The following TEX11 variants were observed in gnomAD, a reference collection of about 807,000 sequenced individuals.
TEX11 encodes testis-expressed protein 11.
In TEX11, 7 loss-of-function variants were observed where a neutral mutation model predicts 84.4. The ratio of observed to expected loss-of-function variants is 0.08; its 90% CI spans 0.05 to 0.16. TEX11 has a LOEUF of 0.16. Among genes scored for constraint, TEX11 ranks in the 10% least tolerant of loss-of-function variants. TEX11 has a pLI of 1.00. For missense variants in TEX11, 551 were observed against 660.5 expected, an observed-to-expected ratio of 0.83 and a Z score of 1.82; for synonymous variants, 264 against 222.8, an observed-to-expected ratio of 1.18 and a Z score of -1.64.
intron 19 of TEX11, among the ~76,000 whole-genome samples, 197 bp from the exon 20 acceptor site, chrX:70,624,203 T>C (rs1449691624): frequency 8.9e-6 from 1 of 112,206 alleles, no homozygotes; most frequent in Non-Finnish European, 1.9e-5. Flanking sequence ...ACCAATTTTA[T>C]AATTTTGAAA....
intron 2 of TEX11, among the ~76,000 whole-genome samples, chrX:70,903,979 C>CTT (rs34397286): frequency 3.7e-4 from 11 of 29,946 alleles, no homozygotes; most frequent in Admixed American, 9.9e-4. Flanking sequence ...CCACATCCAG[C>CTT]TTTTTTTTTT....
rs376297965 is a variant in TEX11, at chrX:70,547,720, T to C, written c.2520+4406A>G. Among the ~76,000 whole-genome samples the C allele has an allele frequency of 1.9e-4, 21 of 111,874 alleles. No individual in the cohort carries two copies. The East Asian group carries it at 3.4e-3, about 18-fold the overall frequency. Reference sequence around the variant, plus strand: ...AATGCAAATCAAAACCACAATAAGATACCATCTCACACCAGTTAGAATGGC... The same window carrying C: ...AATGCAAATCAAAACCACAATAAGACACCATCTCACACCAGTTAGAATGGC... On this transcript the variant is annotated intron_variant, in intron 28 of 29. Transcript: ENST00000374333.
intron 7 of TEX11, among the ~76,000 whole-genome samples, chrX:70,844,694 T>A (rs1206178518): frequency 2.7e-5 from 3 of 111,237 alleles, no homozygotes; most frequent in African/African-American, 9.8e-5. Flanking sequence ...CCAAGGCAGG[T>A]GGATAACTTG....
chrX:70,818,750 A>G (rs935480535), intron 8 of TEX11, among the ~76,000 whole-genome samples: 2 of 111,007 alleles, frequency 1.8e-5, no homozygotes, highest in African/African-American at 6.6e-5. Context: ...ATCCAGAACC[A>G]GCACCACCAC....
rs761291847 is a variant in TEX11, at chrX:70,561,844, T to G, written c.2141-7044A>C. Among the ~76,000 whole-genome samples, 15 of 112,513 alleles carry G rather than the reference T, an allele frequency of 1.3e-4. No individual in the cohort carries two copies. The East Asian group carries it at 4.2e-3, about 31-fold the overall frequency. ...TTGAAAATGTGAATTTGTTCCAACA[T>G]GATTGATATATTAGGTAACAATTAA... On this transcript the variant is annotated intron_variant, in intron 25 of 29. Transcript: ENST00000374333.
At chrX:70,723,266 A>C (rs980112569) in intron 12 of TEX11, among the ~76,000 whole-genome samples, 3 of 111,846 alleles carry the variant, frequency 2.7e-5, no homozygotes, top group Non-Finnish European at 5.6e-5. Context: ...TTTATGAACA[A>C]AAATATTAAA....
At chrX:70,865,927 A>G (rs1249469641) in intron 4 of TEX11, among the ~76,000 whole-genome samples, 1 of 112,085 alleles carries the variant, frequency 8.9e-6, no homozygotes, top group African/African-American at 3.2e-5. Flanking sequence ...AAATGCCCAC[A>G]TCGGAAAGCT....
intron 24 of TEX11, 72 bp from the exon 25 acceptor site, chrX:70,591,895 A>C: frequency 9.1e-4 from 607 of 670,610 alleles, no homozygotes; most frequent in Non-Finnish European, 1.2e-3. Context: ...ATATAATCTC[A>C]TATCATTTTC....
intron 13 of TEX11, among the ~76,000 whole-genome samples, chrX:70,715,009 A>G (rs777992329): frequency 7.5e-4 from 83 of 111,262 alleles, no homozygotes; most frequent in African/African-American, 2.6e-3. Context: ...ATCTCTCAGC[A>G]TTTGCTTATC....
intron 2 of TEX11, among the ~76,000 whole-genome samples, chrX:70,898,373 T>C (rs2091784606): frequency 9.0e-6 from 1 of 111,662 alleles, no homozygotes; most frequent in Admixed American, 9.6e-5. Context: ...GAGGTGGGGC[T>C]GAAGGATGAG....
chrX:70,864,772 A>G (rs1352371112), intron 4 of TEX11, among the ~76,000 whole-genome samples: 3 of 108,023 alleles, frequency 2.8e-5, no homozygotes. Flanking sequence ...AAAGAAAAGA[A>G]TTTTCAACCC....
At chrX:70,535,672 C>T (rs1252481467) in intron 28 of TEX11, among the ~76,000 whole-genome samples, 1 of 110,264 alleles carries the variant, frequency 9.1e-6, no homozygotes, top group Admixed American at 9.6e-5. Context: ...CTCTTGAGCC[C>T]AGGAGGTCAA....
intron 17 of TEX11, among the ~76,000 whole-genome samples, chrX:70,642,448 C>T (rs926516532): frequency 9.1e-6 from 1 of 109,478 alleles, no homozygotes; most frequent in African/African-American, 3.3e-5. Flanking sequence ...ATACCAAAGC[C>T]GGGCAGAGAC....
intron 3 of TEX11, 145 bp from the exon 4 acceptor site, chrX:70,873,452 G>A (rs978726369): frequency 4.4e-5 from 19 of 429,108 alleles, no homozygotes; most frequent in Middle Eastern, 7.5e-4. Flanking sequence ...ACCTCTCCCC[G>A]CAAAAACTTA....
chrX:70,551,076 A>T (rs779214646), intron 28 of TEX11, among the ~76,000 whole-genome samples: 1 of 111,876 alleles, frequency 8.9e-6, no homozygotes, highest in Admixed American at 9.6e-5. Flanking sequence ...AGCCATAAAA[A>T]AAATAAGATC....
At chrX:70,821,817 T>C (rs1315226806) in intron 8 of TEX11, among the ~76,000 whole-genome samples, 1 of 111,826 alleles carries the variant, frequency 8.9e-6, no homozygotes. Context: ...TTGTACACTG[T>C]TGGCAATGTA....
chrX:70,698,396 G>T (rs2090298651), intron 13 of TEX11, among the ~76,000 whole-genome samples: 1 of 109,875 alleles, frequency 9.1e-6, no homozygotes, highest in Admixed American at 9.8e-5. Flanking sequence ...TATTGTCTTT[G>T]GTAAGAAACT....
chrX:70,840,222 C>A (rs2091433945), intron 7 of TEX11, among the ~76,000 whole-genome samples: 6 of 111,387 alleles, frequency 5.4e-5, no homozygotes, highest in African/African-American at 1.3e-4. Flanking sequence ...TTAAGGGCAG[C>A]CAGAGAGAAA....
intron 16 of TEX11, among the ~76,000 whole-genome samples, chrX:70,661,518 AAG>A (rs2089927044): frequency 8.9e-6 from 1 of 112,116 alleles, no homozygotes; most frequent in African/African-American, 3.2e-5. Flanking sequence ...GACAGCTTGG[AAG>A]AGAGTAGTGG....
Sources: gnomAD v4.1 joint callset for allele counts (sites outside exome capture counted in the v4.1 genomes callset) on GRCh38, gnomAD v4.1.1 for gene constraint, MANE v1.5 for transcripts, NCBI Gene and HGNC (gene_info 2026-07-23, HGNC 2026-07-21) for gene names.